ATP2B1: variants seen among roughly 807,000 people sequenced by gnomAD.
The protein encoded by ATP2B1 is ATPase plasma membrane Ca2+ transporting 1, also known as plasma membrane calcium-transporting ATPase 1.
ATP2B1 carries 14 observed loss-of-function variants against 124.2 expected under a neutral mutation model. The ratio of observed to expected loss-of-function variants is 0.11; its 90% CI spans 0.07 to 0.18. The LOEUF is 0.18. ATP2B1 is among the 10% of genes least tolerant of loss of function. The pLI is 1.00. For synonymous variants in ATP2B1, 449 were observed against 492.4 expected, an observed-to-expected ratio of 0.91 and a Z score of 1.17; for missense variants, 763 against 1,466.1, an observed-to-expected ratio of 0.52 and a Z score of 7.83.
chr12:89,664,716 G>A (rs780187475), intron 1 of ATP2B1, among the ~76,000 whole-genome samples: 7 of 152,158 alleles, frequency 4.6e-5, no homozygotes, highest in Non-Finnish European at 7.3e-5. Context: ...AATGCTACTG[G>A]TCTGGAGAGC....
At position 89,603,991 on chromosome 12, in the gene ATP2B1, C is replaced by A. The variant is rs1036326911; in HGVS notation, c.2635-66G>T. The A allele has an allele frequency of 5.9e-6, 9 of 1,516,462 alleles. No individual in the cohort carries two copies. The highest frequency in any genetic ancestry group is 5.6e-5 in the African/African-American group (4 of 71,046). 93.9% of individuals were successfully genotyped at this position (1,516,462 alleles called of 1,614,324 possible). A position where few individuals can be genotyped will look rare whatever the true frequency, so the allele number is the denominator to read the frequency against. On this transcript the variant is annotated intron_variant, in intron 16 of 20. Transcript: ENST00000428670. The surrounding 1 kb of genome is among the most constrained non-coding windows in gnomAD (Gnocchi z 4.3). ...CAGGGGCTCAGCAATTCTCAGGAAA[C>A]CTTTAGGGTTTAAAAACTTGAGAAA... is the stretch of plus-strand genomic sequence containing the variant.
intron 1 of ATP2B1, among the ~76,000 whole-genome samples, chr12:89,663,329 G>C (rs143464188): frequency 2.0e-5 from 3 of 152,186 alleles, no homozygotes; most frequent in Non-Finnish European, 4.4e-5. Flanking sequence ...ATTTTAAAAG[G>C]AATTACACGC....
intron 1 of ATP2B1, among the ~76,000 whole-genome samples, chr12:89,697,676 T>C (rs1381032011): frequency 6.6e-6 from 1 of 150,534 alleles, no homozygotes; most frequent in Non-Finnish European, 1.5e-5. Context: ...AAGGCTTTTT[T>C]TTTTTTTTTT....
chr12:89,614,623 TA>T (rs1194630631), intron 12 of ATP2B1, among the ~76,000 whole-genome samples: 2 of 152,152 alleles, frequency 1.3e-5, no homozygotes, highest in Non-Finnish European at 2.9e-5. Flanking sequence ...CTCTTAGTCA[TA>T]AAAGCCTTCT....
chr12:89,598,682 G>A lies in ATP2B1; in HGVS notation c.3351+435C>T. ...ATCATGATGCTGGCTGGCGATGGAGGGTTGCCGCCTTAGAGCCCCCTGAAT... is the reference window on the plus strand; with the variant it reads ...ATCATGATGCTGGCTGGCGATGGAGAGTTGCCGCCTTAGAGCCCCCTGAAT... On this transcript the variant is annotated intron_variant, in intron 20 of 20. Coordinates refer to ENST00000428670, the MANE Select transcript of ATP2B1 (RefSeq NM_001366521.1). The A allele has an allele frequency of 1.2e-6, 2 of 1,614,022 alleles. No homozygotes were observed. Among genetic ancestry groups the A allele is most frequent in the Non-Finnish European group, 1.7e-6 (2 of 1,179,944 alleles).
chr12:89,627,250 G>A (rs1052848678), intron 7 of ATP2B1, among the ~76,000 whole-genome samples: 2 of 152,014 alleles, frequency 1.3e-5, no homozygotes, highest in Admixed American at 6.6e-5. Flanking sequence ...ACTGTTTCAT[G>A]CACAAAATTA....
chr12:89,616,151 C>T (rs371642924), intron 12 of ATP2B1, among the ~76,000 whole-genome samples: 1 of 151,834 alleles, frequency 6.6e-6, no homozygotes, highest in Non-Finnish European at 1.5e-5. Flanking sequence ...TCTTTGAGGC[C>T]GGTGATCAGA....
At chr12:89,624,127 C>CTA in intron 9 of ATP2B1, 56 bp downstream of exon 9, 1 of 1,499,134 alleles carries the variant, frequency 6.7e-7, no homozygotes, top group Non-Finnish European at 9.1e-7. Context: ...TGGGCATTTT[C>CTA]TATACCAGCT....
chr12:89,608,343 TG>T (rs1230809627), intron 15 of ATP2B1, among the ~76,000 whole-genome samples: 5 of 152,130 alleles, frequency 3.3e-5, no homozygotes, highest in Middle Eastern at 6.8e-3. Flanking sequence ...AATTTTTGTA[TG>T]TTTTTTTTTA....
chr12:89,598,559 T>TA lies in ATP2B1; in HGVS notation c.3351+557dup, dbSNP rs750159750. On this transcript the variant is annotated intron_variant, in intron 20 of 20. Coordinates refer to ENST00000428670, the MANE Select transcript of ATP2B1 (RefSeq NM_001366521.1). ...GTTAGGTGTGTGAAGTAGGAAATGT[T>TA]AATTTCATGCACTTAGGAACACACA... 1.5e-5 allele frequency: 24 copies of TA among 1,590,894 alleles called. No individual in the cohort carries two copies. In the South Asian group the frequency reaches 2.6e-4, roughly 17 times the overall value.
At chr12:89,676,689 C>T (rs1222250006) in intron 1 of ATP2B1, among the ~76,000 whole-genome samples, 2 of 151,928 alleles carry the variant, frequency 1.3e-5, no homozygotes, top group African/African-American at 4.8e-5. Flanking sequence ...TGCAGTCTTC[C>T]CTAAGGGAAG....
chr12:89,636,207 A>C (rs1229569290), intron 3 of ATP2B1, among the ~76,000 whole-genome samples: 1 of 150,898 alleles, frequency 6.6e-6, no homozygotes, highest in African/African-American at 2.4e-5. Flanking sequence ...AGATCAGAAA[A>C]GGATGTGGGG....
upstream of ATP2B1, chr12:89,709,310 C>A: frequency 6.6e-6 from 1 of 152,426 alleles, no homozygotes; most frequent in South Asian, 1.9e-4. Flanking sequence ...CAGCCGCCAC[C>A]GCCGCCGAAG....
chr12:89,670,900 T>C (rs374474756), intron 1 of ATP2B1, among the ~76,000 whole-genome samples: 1 of 148,128 alleles, frequency 6.8e-6, no homozygotes, highest in South Asian at 2.2e-4. Context: ...AGAAGAACCT[T>C]CTTGGAACCT....
chr12:89,600,709 C>T (rs866349222), intron 19 of ATP2B1, among the ~76,000 whole-genome samples: 23 of 149,374 alleles, frequency 1.5e-4, no homozygotes, highest in Middle Eastern at 6.8e-3. Flanking sequence ...AGTGCAATGG[C>T]GCGATCTTGG....
At chr12:89,628,467 G>C (rs1328834897) in intron 6 of ATP2B1, among the ~76,000 whole-genome samples, 1 of 147,582 alleles carries the variant, frequency 6.8e-6, no homozygotes, top group African/African-American at 2.5e-5. Flanking sequence ...GTTGATGAGA[G>C]TGAGGACAAA....
At chr12:89,663,717 T>C (rs558982189) in intron 1 of ATP2B1, among the ~76,000 whole-genome samples, 1 of 152,292 alleles carries the variant, frequency 6.6e-6, no homozygotes, top group African/African-American at 2.4e-5. Flanking sequence ...TGACCATTGA[T>C]CCTGTTCTTA....
intron 1 of ATP2B1, among the ~76,000 whole-genome samples, chr12:89,694,991 G>A (rs11105376): frequency 0.14 from 19,817 of 146,720 alleles, 1,787 homozygotes; most frequent in South Asian, 0.34. Context: ...CAGAGAGATC[G>A]AGTCTGCAGT....
chr12:89,673,192 A>G (rs541323972), intron 1 of ATP2B1, among the ~76,000 whole-genome samples: 1 of 152,338 alleles, frequency 6.6e-6, no homozygotes, highest in East Asian at 1.9e-4. Flanking sequence ...CAGTACAGTT[A>G]AATAGGTTTT....
Sources: gnomAD v4.1 joint callset for allele counts (sites outside exome capture counted in the v4.1 genomes callset) on GRCh38, gnomAD v4.1.1 for gene constraint, Gnocchi (gnomAD v3.1) non-coding constraint, MANE v1.5 for transcripts, NCBI Gene and HGNC (gene_info 2026-07-23, HGNC 2026-07-21) for gene names.